Variants in RNF38 observed in about 807,000 individuals in gnomAD.
RNF38 encodes the protein ring finger protein 38.
Under a neutral mutation model 67.2 loss-of-function variants are expected in RNF38, and 15 were observed. That is an observed-to-expected ratio of 0.22 (90% CI 0.15 to 0.34). The LOEUF (loss-of-function observed/expected upper bound fraction) is 0.34. Among genes scored for constraint, RNF38 ranks in the 10% least tolerant of loss-of-function variants. The pLI is 1.00. For synonymous variants in RNF38, 220 were observed against 218.8 expected (o/e 1.01, Z -0.05); for missense variants, 524 against 639.9 (o/e 0.82, Z 1.95).
chr9:36,469,924 A>G (rs1456460104), intron 1 of RNF38, among the ~76,000 whole-genome samples: 1 of 152,180 alleles, frequency 6.6e-6, no homozygotes, highest in Non-Finnish European at 1.5e-5. Flanking sequence ...GACTGCAGTG[A>G]GCCAGGATCA....
intron 1 of RNF38, among the ~76,000 whole-genome samples, chr9:36,424,922 C>T (rs1291207515): frequency 2.0e-5 from 3 of 152,210 alleles, no homozygotes; most frequent in African/African-American, 7.2e-5. Context: ...ATTATTCAAA[C>T]TGCTAATTCC....
chr9:36,369,564 A>T (rs1835221614), intron 4 of RNF38, among the ~76,000 whole-genome samples, 155 bp downstream of exon 4: 1 of 152,160 alleles, frequency 6.6e-6, no homozygotes, highest in African/African-American at 2.4e-5. Flanking sequence ...GCTGTGTAGA[A>T]TTTAAATCTC....
intron 2 of RNF38, among the ~76,000 whole-genome samples, chr9:36,377,281 C>T (rs908453735): frequency 1.3e-5 from 2 of 152,190 alleles, no homozygotes; most frequent in African/African-American, 2.4e-5. Flanking sequence ...CATTACAGTA[C>T]TTTTGGTTGC....
intron 11 of RNF38, among the ~76,000 whole-genome samples, chr9:36,341,414 G>C (rs964049511): frequency 6.6e-6 from 1 of 151,908 alleles, no homozygotes; most frequent in Admixed American, 6.6e-5. Flanking sequence ...ATCCAAACCG[G>C]AACACTTAAT....
chr9:36,471,745 T>C (rs1489956659), intron 1 of RNF38, among the ~76,000 whole-genome samples: 1 of 152,242 alleles, frequency 6.6e-6, no homozygotes, highest in Non-Finnish European at 1.5e-5. Context: ...ACAGAATTTA[T>C]GAGTTGCACA....
At chr9:36,387,950 T>C (rs975936988) in intron 2 of RNF38, among the ~76,000 whole-genome samples, 4 of 151,976 alleles carry the variant, frequency 2.6e-5, no homozygotes, top group East Asian at 1.9e-4. Context: ...AGCTGCAGTA[T>C]AGTCATATAA....
chr9:36,414,027 C>T (rs182018275), intron 2 of RNF38, among the ~76,000 whole-genome samples: 10 of 152,268 alleles, frequency 6.6e-5, no homozygotes, highest in Non-Finnish European at 5.9e-5. Context: ...AAGTCTGTTT[C>T]GTCTGATATA....
At chr9:36,471,115 T>C (rs1027926034) in intron 1 of RNF38, among the ~76,000 whole-genome samples, 1 of 152,204 alleles carries the variant, frequency 6.6e-6, no homozygotes, top group Admixed American at 6.6e-5. Context: ...CCAGTTTCAC[T>C]TCTAGCTCCT....
chr9:36,423,476 T>C (rs1838678375), intron 2 of RNF38, among the ~76,000 whole-genome samples: 1 of 152,188 alleles, frequency 6.6e-6, no homozygotes, highest in Non-Finnish European at 1.5e-5. Flanking sequence ...CACTGGAAAC[T>C]ACCAAGGGAG....
chr9:36,356,315 CTGT>C lies in RNF38; in HGVS notation c.894_896del (p.Gln300del). 1 of 1,613,908 alleles carries C rather than the reference CTGT, an allele frequency of 6.2e-7. No individual in the cohort carries two copies. The highest frequency in any genetic ancestry group is 8.5e-7 in the Non-Finnish European group (1 of 1,179,950). On this transcript the variant is annotated inframe_deletion, in exon 6 of 12. Coordinates refer to ENST00000259605, the MANE Select transcript of RNF38 (RefSeq NM_022781.5). The stretch of plus-strand genomic sequence containing the variant: ...TAGAGATACCTACCGATCGTGATTG[CTGT>C]GTTTGGAAAGGGACAAACTGGCCTG...
intron 1 of RNF38, among the ~76,000 whole-genome samples, chr9:36,446,425 T>C (rs995386900): frequency 6.6e-6 from 1 of 152,202 alleles, no homozygotes; most frequent in Non-Finnish European, 1.5e-5. Flanking sequence ...ACAAGAAAAT[T>C]TGGGACAAGG....
At position 36,369,922 on chromosome 9, in the gene RNF38, T is replaced by C. The variant is rs1428509654; in HGVS notation, c.367A>G (p.Arg123Gly). The change falls in exon 4 of 12, where the codon AGG (arginine) becomes GGG (glycine). Residue 123 changes from arginine to glycine, a missense_variant. Transcript: ENST00000259605. The stretch of plus-strand genomic sequence containing the variant: ...CGATCCCTTCTTCCTCTCTGGCGCC[T>C]GACAGGAGGACTGTGATAAATATCA... ...PARNRRSPPV[R>G]RQRGRRDRLS... The C allele has an allele frequency of 6.2e-7, 1 of 1,611,930 alleles. No homozygotes were observed. The highest frequency in any genetic ancestry group is 8.5e-7 in the Non-Finnish European group (1 of 1,179,322).
intron 1 of RNF38, among the ~76,000 whole-genome samples, chr9:36,482,599 C>G (rs1412906703): frequency 6.6e-6 from 1 of 152,112 alleles, no homozygotes. Flanking sequence ...GTGATCCACC[C>G]ACCTCGGCCT....
chr9:36,411,533 T>C lies in RNF38; in HGVS notation n.312+13080A>G, dbSNP rs951990148. Reference sequence around the variant, plus strand: ...AGCAACCCCAAGTATTTATCAATGATGAATAAACAAAATGTGATGTATATT... The same window carrying C: ...AGCAACCCCAAGTATTTATCAATGACGAATAAACAAAATGTGATGTATATT... On this transcript the variant is annotated intron_variant and non_coding_transcript_variant, in intron 2 of 3. Transcript: ENST00000488058. 2.0e-5 allele frequency among the ~76,000 whole-genome samples: 3 copies of C among 152,170 alleles called. No individual in the cohort carries two copies. In the South Asian group the frequency reaches 6.2e-4, roughly 31 times the overall value.
intron 2 of RNF38, among the ~76,000 whole-genome samples, chr9:36,419,078 G>A (rs1400306756): frequency 6.6e-6 from 1 of 152,160 alleles, no homozygotes; most frequent in Non-Finnish European, 1.5e-5. Flanking sequence ...AATCTGAAAT[G>A]CTACAAAATC....
intron 1 of RNF38, among the ~76,000 whole-genome samples, chr9:36,455,494 C>T (rs1587168945): frequency 6.6e-6 from 1 of 152,114 alleles, no homozygotes; most frequent in East Asian, 1.9e-4. Flanking sequence ...TAAAAGTGCA[C>T]TCATTTAGCT....
intron 1 of RNF38, among the ~76,000 whole-genome samples, chr9:36,456,230 G>GT (rs1839592424): frequency 6.6e-6 from 1 of 152,092 alleles, no homozygotes; most frequent in South Asian, 2.1e-4. Context: ...GGCTAATTTT[G>GT]TATTTTTAGT....
upstream of RNF38, chr9:36,401,154 C>T (rs1413971104): frequency 5.1e-6 from 5 of 985,004 alleles, no homozygotes; most frequent in East Asian, 1.1e-4. Context: ...CCCCAGGCTC[C>T]GCACCGCGCG....
intron 1 of RNF38, among the ~76,000 whole-genome samples, chr9:36,485,860 G>C (rs1411179848): frequency 6.6e-6 from 1 of 152,104 alleles, no homozygotes; most frequent in East Asian, 1.9e-4. Context: ...CTGTGGGTCT[G>C]CATCCTTAGA....
Sources: allele counts gnomAD v4.1 joint callset (sites outside exome capture counted in the v4.1 genomes callset), GRCh38; gene constraint gnomAD v4.1.1; transcripts MANE v1.5; gene names NCBI Gene and HGNC (gene_info 2026-07-23, HGNC 2026-07-21).